Variants in REEP2 observed in about 807,000 individuals in gnomAD.
REEP2 encodes receptor accessory protein 2, also known as receptor expression-enhancing protein 2.
REEP2 carries 9 observed loss-of-function variants against 32.1 expected under a neutral mutation model. The ratio of observed to expected loss-of-function variants is 0.28; its 90% CI spans 0.17 to 0.49. REEP2 has a LOEUF of 0.49. Among genes scored for constraint, REEP2 ranks in the 20% least tolerant of loss-of-function variants. The pLI is 0.99. For synonymous variants in REEP2, 128 were observed against 139.1 expected (o/e 0.92, Z 0.56); for missense variants, 236 against 338.0 (o/e 0.70, Z 2.37).
chr5:138,443,010 G>A (rs903654582), intron 3 of REEP2, among the ~76,000 whole-genome samples: 8 of 151,154 alleles, frequency 5.3e-5, no homozygotes, highest in Non-Finnish European at 1.0e-4. Context: ...TGGCAACAGA[G>A]CAAGACTCAG....
chr5:138,442,860 CAAA>C (rs71574416), intron 3 of REEP2, among the ~76,000 whole-genome samples: 14 of 119,528 alleles, frequency 1.2e-4, no homozygotes, highest in Non-Finnish European at 1.0e-4. Context: ...GATTCTGTCT[CAAA>C]AAAAAAAAAA....
At chr5:138,444,182 C>T (rs1474186668) in intron 3 of REEP2, 2 of 478,192 alleles carry the variant, frequency 4.2e-6, no homozygotes, top group Non-Finnish European at 7.4e-6. Context: ...CCAGGAGAGT[C>T]GCTGCTGGGG....
Position 138,446,073 on chromosome 5 carries a change from G to A in REEP2, c.*322G>A. On this transcript the variant is annotated 3_prime_UTR_variant, in exon 8 of 8. Coordinates refer to ENST00000378339, the MANE Select transcript of REEP2 (RefSeq NM_001271803.2). ...CCCACCCACCCAGTGCCTTGCTGAA[G>A]CCCATAGCAATCCGCTTCTCAGAGG... 1 of 351,572 alleles carries A rather than the reference G, an allele frequency of 2.8e-6. No homozygotes were observed. Among genetic ancestry groups the A allele is most frequent in the South Asian group, 5.3e-5 (1 of 18,982 alleles). 21.8% of individuals were successfully genotyped at this position (351,572 alleles called of 1,614,324 possible).
intron 1 of REEP2, among the ~76,000 whole-genome samples, chr5:138,439,461 CT>C (rs1554133185): frequency 6.6e-6 from 1 of 152,164 alleles, no homozygotes; most frequent in Non-Finnish European, 1.5e-5. Flanking sequence ...CACCCACATT[CT>C]TTATTAATAA....
At chr5:138,439,543 G>T in intron 1 of REEP2, 1 of 509,700 alleles carries the variant, frequency 2.0e-6, no homozygotes, top group South Asian at 1.8e-5. Context: ...TGATTTAAAA[G>T]GGGAGGCAGG....
In REEP2 at chr5:138,441,715, A is replaced by G. The variant is rs1393963819; in HGVS notation, c.182+254A>G. On this transcript the variant is annotated intron_variant, in intron 3 of 7. Coordinates refer to ENST00000378339, the MANE Select transcript of REEP2 (RefSeq NM_001271803.2). The surrounding 1 kb of genome is among the most constrained non-coding windows in gnomAD (Gnocchi z 4.4). ...CTAAGTGGGTGGATCATTTGAGGTC[A>G]GGAGTTTGAGACCAGCCTGGCCAAC... is the stretch of plus-strand genomic sequence containing the variant. Among the ~76,000 whole-genome samples the G allele has an allele frequency of 6.6e-6, 1 of 152,100 alleles. No homozygotes were observed. Among genetic ancestry groups the G allele is most frequent in the Non-Finnish European group, 1.5e-5 (1 of 68,016 alleles).
rs1346340565 is a variant in REEP2 at position 138,441,479 on chromosome 5, C to T, written c.182+18C>T. ...CTCTCCTGGTGAGGTCCAGCGTCCC[C>T]TCCTGTATCTCAGGGCCCAGGGCCT... On this transcript the variant is annotated intron_variant, in intron 3 of 7. Coordinates refer to ENST00000378339, the MANE Select transcript of REEP2 (RefSeq NM_001271803.2). This position sits in a 1 kb window ranked among gnomAD's most constrained non-coding sequence, Gnocchi z 4.4. The T allele has an allele frequency of 1.2e-6, 2 of 1,610,002 alleles. No individual in the cohort carries two copies. Among genetic ancestry groups the T allele is most frequent in the African/African-American group, 1.3e-5 (1 of 74,984 alleles).
rs764647883 is a variant in REEP2, at chr5:138,445,865, C to T, written c.*114C>T. On this transcript the variant is annotated 3_prime_UTR_variant, in exon 8 of 8. Coordinates refer to ENST00000378339, the MANE Select transcript of REEP2 (RefSeq NM_001271803.2). ...CTAGGTGTCTCAGGCCCCTGGGCCC[C>T]GCAGATGGCCATTTCCGGTGCCTGC... 222 of 1,022,020 alleles carry T rather than the reference C, an allele frequency of 2.2e-4. No homozygotes were observed. Among genetic ancestry groups the T allele is most frequent in the Non-Finnish European group, 1.8e-4 (125 of 703,002 alleles). The allele number at this position is 1,022,020 out of a possible 1,614,324, so 63.3% of individuals were successfully genotyped here. A position where few individuals can be genotyped will look rare whatever the true frequency, so the allele number is the denominator to read the frequency against.
chr5:138,439,225 T>C lies in REEP2; in HGVS notation c.17T>C (p.Ile6Thr). Residue 6 changes from isoleucine to threonine, a missense_variant, in exon 1 of 8, where the codon ATC becomes ACC. Ile to Thr is a moderately conservative substitution (Grantham distance 89). Coordinates refer to ENST00000378339, the MANE Select transcript of REEP2 (RefSeq NM_001271803.2). The part of the protein sequence containing the change: MVSWI[I>T]SRLVVLIFGT... The stretch of plus-strand genomic sequence containing the variant: ...GGCCCCGCCATGGTGTCCTGGATCA[T>C]CTCTCGCCTGGTGGTGTGAGTGCGG... 7.0e-7 allele frequency: 1 copy of C among 1,427,278 alleles called. No homozygotes were observed. The highest frequency in any genetic ancestry group is 1.7e-5 in the South Asian group (1 of 57,778). 88.4% of individuals were successfully genotyped at this position (1,427,278 alleles called of 1,614,324 possible).
In REEP2 at chr5:138,445,713, C is replaced by A; in HGVS notation, c.727C>A (p.Pro243Thr). 6.2e-7 allele frequency: 1 copy of A among 1,614,140 alleles called. No homozygotes were observed. Among genetic ancestry groups the A allele is most frequent in the Non-Finnish European group, 8.5e-7 (1 of 1,180,022 alleles). The change falls in exon 8 of 8, where the codon CCC (proline) becomes ACC (threonine). Residue 243 changes from proline to threonine, a missense_variant. Pro to Thr is a conservative substitution (Grantham distance 38). Coordinates refer to ENST00000378339, the MANE Select transcript of REEP2 (RefSeq NM_001271803.2). ...PLASKTLKTR[P>T]KKKTSGGGDS... ...GGCTTCCAAGACACTGAAGACCCGG[C>A]CCAAGAAGAAGACCTCTGGCGGGGG...
At chr5:138,443,134 C>T (rs948857140) in intron 3 of REEP2, among the ~76,000 whole-genome samples, 2 of 151,902 alleles carry the variant, frequency 1.3e-5, no homozygotes, top group Non-Finnish European at 2.9e-5. Flanking sequence ...AGTTTGAGAT[C>T]AGCCTGGGCA....
intron 3 of REEP2, 87 bp from the exon 4 acceptor site, chr5:138,444,328 A>C: frequency 6.7e-7 from 1 of 1,502,124 alleles, no homozygotes; most frequent in African/African-American, 1.4e-5. Flanking sequence ...GGGGCTGTGC[A>C]GGGTCACACA....
intron 3 of REEP2, among the ~76,000 whole-genome samples, chr5:138,442,341 A>T (rs1222165935): frequency 6.6e-6 from 1 of 152,242 alleles, no homozygotes; most frequent in Non-Finnish European, 1.5e-5. Flanking sequence ...ACAAGAGATC[A>T]TTACATTTAT....
At chr5:138,444,578 C>A (rs768462160) in intron 4 of REEP2, 43 bp downstream of exon 4, 16 of 1,608,706 alleles carry the variant, frequency 9.9e-6, no homozygotes, top group Non-Finnish European at 1.4e-5. Flanking sequence ...TGCCCCCAGC[C>A]AAGGCAGTCC....
Position 138,441,180 on chromosome 5 carries a change from C to T in REEP2, c.105+92C>T. On this transcript the variant is annotated intron_variant, in intron 2 of 7. Transcript: ENST00000378339. The surrounding 1 kb of genome is among the most constrained non-coding windows in gnomAD (Gnocchi z 4.4). ...TATTACAGATGGGGGTGACTTTGCACCAACACTGTCAGCCACTAACAAGAC... is the reference window on the plus strand; with the variant it reads ...TATTACAGATGGGGGTGACTTTGCATCAACACTGTCAGCCACTAACAAGAC... The T allele has an allele frequency of 2.6e-6, 4 of 1,529,418 alleles. No homozygotes were observed. The highest frequency in any genetic ancestry group is 1.8e-5 in the Admixed American group (1 of 55,310). 94.7% of individuals were successfully genotyped at this position (1,529,418 alleles called of 1,614,324 possible).
rs1763934106 is a variant in REEP2, at chr5:138,446,377, G to T, written c.*626G>T. 6.5e-6 allele frequency: 1 copy of T among 153,368 alleles called. No individual in the cohort carries two copies. Among genetic ancestry groups the T allele is most frequent in the Non-Finnish European group, 1.5e-5 (1 of 68,944 alleles). The allele number at this position is 153,368 out of a possible 1,614,324, so 9.5% of individuals were successfully genotyped here. On this transcript the variant is annotated 3_prime_UTR_variant, in exon 8 of 8. Transcript: ENST00000378339. ...TGCCACATGTTCCCACATTAAAAAG[G>T]GGGGTCCAGGGCTGTGTGAGTGTGT...
intron 3 of REEP2, among the ~76,000 whole-genome samples, chr5:138,442,439 G>C (rs578146982): frequency 2.4e-4 from 36 of 152,218 alleles, no homozygotes; most frequent in Admixed American, 1.4e-3. Context: ...AAGGCCGGGT[G>C]TGGTGGCTCA....
chr5:138,445,420 A>C (rs367720372), intron 6 of REEP2, 45 bp downstream of exon 6: 48 of 1,613,124 alleles, frequency 3.0e-5, no homozygotes, highest in Non-Finnish European at 3.9e-5. Context: ...AAGGGCAAGG[A>C]GTCCAGATGG....
At position 138,439,271 on chromosome 5, in the gene REEP2, G is replaced by A. The variant is rs755695508; in HGVS notation, c.32+31G>A. 4.9e-6 allele frequency: 7 copies of A among 1,429,588 alleles called. No homozygotes were observed. The Admixed American group carries it at 8.2e-5, about 17-fold the overall frequency. The allele number at this position is 1,429,588 out of a possible 1,614,324, so 88.6% of individuals were successfully genotyped here. A position where few individuals can be genotyped will look rare whatever the true frequency, so the allele number is the denominator to read the frequency against. On this transcript the variant is annotated intron_variant, in intron 1 of 7. Transcript: ENST00000378339. Reference sequence around the variant, plus strand: ...TGCGGCGGCGGCGGGGGGTGATGCGGGCTGTGATGGAGGGCGGGGGTGTTA... The same window carrying A: ...TGCGGCGGCGGCGGGGGGTGATGCGAGCTGTGATGGAGGGCGGGGGTGTTA...
Sources: allele counts gnomAD v4.1 joint callset (sites outside exome capture counted in the v4.1 genomes callset), GRCh38; gene constraint gnomAD v4.1.1; non-coding constraint Gnocchi (gnomAD v3.1); transcripts MANE v1.5; gene names NCBI Gene and HGNC (gene_info 2026-07-23, HGNC 2026-07-21).